Variants in TBC1D8 observed in about 807,000 individuals in gnomAD.
TBC1D8 encodes the protein TBC1 domain family member 8, also known as BUB2-like protein 1.
Under a neutral mutation model 118.8 loss-of-function variants are expected in TBC1D8, and 65 were observed. That is an observed-to-expected ratio of 0.55 (90% CI 0.45 to 0.67). The LOEUF is 0.67. Ranked by LOEUF, TBC1D8 falls within the 30% of genes least tolerant of loss-of-function variation. The pLI is 0.00. For synonymous variants in TBC1D8, 566 were observed against 595.8 expected, an observed-to-expected ratio of 0.95 and a Z score of 0.73; for missense variants, 1,376 against 1,471.2, an observed-to-expected ratio of 0.94 and a Z score of 1.06.
At chr2:101,110,459 G>C (rs994690205) in intron 1 of TBC1D8, among the ~76,000 whole-genome samples, 5 of 151,916 alleles carry the variant, frequency 3.3e-5, no homozygotes, top group African/African-American at 1.2e-4. Context: ...TAACAGCTTT[G>C]GGCCCAGAAG....
intron 19 of TBC1D8, among the ~76,000 whole-genome samples, chr2:101,008,795 G>T (rs1163302580): frequency 6.7e-6 from 1 of 148,746 alleles, no homozygotes. Flanking sequence ...TGGGCAACAA[G>T]AGTAAAACTT....
Position 101,038,501 on chromosome 2 carries a change from T to C in TBC1D8, c.1235A>G (p.Asn412Ser), listed in dbSNP as rs1226669943. The C allele has an allele frequency of 6.8e-6, 11 of 1,613,522 alleles. No individual in the cohort carries two copies. Among genetic ancestry groups the C allele is most frequent in the Admixed American group, 1.7e-5 (1 of 59,972 alleles). Residue 412 changes from asparagine to serine, a missense_variant, in exon 7 of 20, where the codon AAC becomes AGC. By Grantham distance (46) the Asn-to-Ser change is conservative. Coordinates refer to ENST00000409318, the MANE Select transcript of TBC1D8 (RefSeq NM_001330348.2). ...LLARLKQVHA[N>S]HPVHYDTSAD... ...AGAGGTGTCGTAGTGCACGGGGTGG[T>C]TGGCGTGGACCTGCTTCAACCTCGC...
At chr2:101,076,538 T>A (rs2105442133) in intron 2 of TBC1D8, among the ~76,000 whole-genome samples, 1 of 152,254 alleles carries the variant, frequency 6.6e-6, no homozygotes, top group Middle Eastern at 3.4e-3. Flanking sequence ...CCAGGAAACA[T>A]GAAGAAAAGT....
intron 1 of TBC1D8, among the ~76,000 whole-genome samples, chr2:101,145,034 T>C (rs1303108973): frequency 6.6e-6 from 1 of 152,244 alleles, no homozygotes; most frequent in Non-Finnish European, 1.5e-5. Context: ...TCACTTCTAG[T>C]AAATGAATTC....
intron 2 of TBC1D8, among the ~76,000 whole-genome samples, chr2:101,081,608 C>T (rs1404913452): frequency 6.6e-6 from 1 of 152,218 alleles, no homozygotes; most frequent in Non-Finnish European, 1.5e-5. Flanking sequence ...GACCCCCACC[C>T]TGGCTGCCTC....
chr2:101,058,495 G>A (rs1289713583), intron 3 of TBC1D8, among the ~76,000 whole-genome samples: 1 of 152,108 alleles, frequency 6.6e-6, no homozygotes, highest in Admixed American at 6.6e-5. Context: ...AATTTAGAAT[G>A]AGAAACCATC....
At chr2:101,027,751 A>T (rs193035327) in intron 14 of TBC1D8, among the ~76,000 whole-genome samples, 288 of 152,326 alleles carry the variant, frequency 1.9e-3, no homozygotes, top group African/African-American at 6.6e-3. Flanking sequence ...GCGCCAGCTA[A>T]TGCCCCTGCG....
rs77123699 is a variant in TBC1D8 at position 101,073,643 on chromosome 2, C to T, written c.284-14104G>A. 4.8e-3 allele frequency among the ~76,000 whole-genome samples: 727 copies of T among 152,292 alleles called. 4 individuals are homozygous for T. The highest frequency in any genetic ancestry group is 0.016 in the African/African-American group (674 of 41,554). On this transcript the variant is annotated intron_variant, in intron 2 of 19. Coordinates refer to ENST00000409318, the MANE Select transcript of TBC1D8 (RefSeq NM_001330348.2). ...TGTGTAGTGTGGCAACCTTCATCAA[C>T]GAGCTCTGCTGGACCTTCTGGATAT...
rs566349574 is a variant in TBC1D8 at position 101,077,124 on chromosome 2, C to T, written c.283+13085G>A. Among the ~76,000 whole-genome samples the T allele has an allele frequency of 5.3e-5, 8 of 151,914 alleles. No individual in the cohort carries two copies. The South Asian group carries it at 1.5e-3, about 28-fold the overall frequency. On this transcript the variant is annotated intron_variant, in intron 2 of 19. Transcript: ENST00000409318. ...CTGCAACCTCCGCCTCCCGGGTTCA[C>T]GCCATTCTCCTGCCTCAGCCTCCCG...
chr2:101,068,442 C>T (rs754737924), intron 2 of TBC1D8: 2 of 334,482 alleles, frequency 6.0e-6, no homozygotes, highest in Admixed American at 4.7e-5. Context: ...TCCAGCAATT[C>T]AGATATAGCG....
chr2:101,085,977 T>C (rs62155197), intron 2 of TBC1D8, among the ~76,000 whole-genome samples: 58,768 of 151,802 alleles, frequency 0.39, 11,577 homozygotes, highest in Middle Eastern at 0.45. Flanking sequence ...TCGTCTCTAC[T>C]AAAAATACAA....
At chr2:101,095,267 A>ATTAT (rs1278439167) in intron 1 of TBC1D8, among the ~76,000 whole-genome samples, 3 of 149,912 alleles carry the variant, frequency 2.0e-5, no homozygotes, top group Middle Eastern at 3.6e-3. Context: ...TATTATTATT[A>ATTAT]TACTTTAAGT....
chr2:101,100,005 T>C (rs1046292647), intron 1 of TBC1D8, among the ~76,000 whole-genome samples: 2 of 152,188 alleles, frequency 1.3e-5, no homozygotes, highest in Non-Finnish European at 2.9e-5. Context: ...TTGGAAGTTC[T>C]GGCCAGGGCA....
At chr2:101,093,426 T>C (rs920995400) in intron 1 of TBC1D8, among the ~76,000 whole-genome samples, 6 of 152,158 alleles carry the variant, frequency 3.9e-5, no homozygotes, top group Non-Finnish European at 7.3e-5. Context: ...TTTTCATATA[T>C]ATCTACATAG....
chr2:101,084,745 C>A (rs1163338747), intron 2 of TBC1D8, among the ~76,000 whole-genome samples: 3 of 151,966 alleles, frequency 2.0e-5, no homozygotes, highest in African/African-American at 7.3e-5. Flanking sequence ...GAATCTCCGA[C>A]ATCAAGCATG....
chr2:101,068,484 C>G, intron 2 of TBC1D8: 1 of 379,206 alleles, frequency 2.6e-6, no homozygotes, highest in Non-Finnish European at 4.8e-6. Flanking sequence ...GAAGTTCTTC[C>G]AAAACAAAGG....
chr2:101,084,952 C>T (rs1038257099), intron 2 of TBC1D8, among the ~76,000 whole-genome samples: 3 of 151,528 alleles, frequency 2.0e-5, no homozygotes, highest in South Asian at 2.1e-4. Context: ...GGGTTCACGC[C>T]ATTCTCCTGC....
chr2:101,040,173 T>TCTAC lies in TBC1D8; in HGVS notation c.1080+1_1080+4dup. 6.2e-7 allele frequency: 1 copy of TCTAC among 1,613,600 alleles called. No homozygotes were observed. The highest frequency in any genetic ancestry group is 8.5e-7 in the Non-Finnish European group (1 of 1,179,640). ...TTCGGGAAGCAGACAGTAGGGCCAG[T>TCTAC]CTACCTCTCTGAGTGGCAGGATGAT... is the stretch of plus-strand genomic sequence containing the variant. On this transcript the variant is annotated splice_donor_region_variant and intron_variant, in intron 6 of 19. Transcript: ENST00000409318.
chr2:101,034,120 C>T (rs1001488117), intron 9 of TBC1D8, among the ~76,000 whole-genome samples: 1 of 152,154 alleles, frequency 6.6e-6, no homozygotes, highest in Non-Finnish European at 1.5e-5. Context: ...GCTGAGATCA[C>T]ACCACTGCAC....
Sources: gnomAD v4.1 joint callset for allele counts (sites outside exome capture counted in the v4.1 genomes callset) on GRCh38, gnomAD v4.1.1 for gene constraint, MANE v1.5 for transcripts, NCBI Gene and HGNC (gene_info 2026-07-23, HGNC 2026-07-21) for gene names.